NCKAP5: variants seen among roughly 807,000 people sequenced by gnomAD.
NCKAP5 encodes the protein NCK associated protein 5.
NCKAP5 carries 92 observed loss-of-function variants against 167.0 expected under a neutral mutation model. That is an observed-to-expected ratio of 0.55 (90% CI 0.47 to 0.66). The LOEUF (loss-of-function observed/expected upper bound fraction) is 0.66, where lower values mean the gene tolerates loss of function less well. NCKAP5 is among the 30% of genes least tolerant of loss of function. The pLI is 0.00. For missense variants in NCKAP5, 2,378 were observed against 2,315.0 expected (o/e 1.03, Z -0.56); for synonymous variants, 891 against 877.4 (o/e 1.02, Z -0.27).
chr2:133,590,514 A>ACTC, the NCKAP5 span, among the ~76,000 whole-genome samples: 1 of 114,416 alleles, frequency 8.7e-6, no homozygotes, highest in Non-Finnish European at 1.7e-5. Context: ...ACAGAGCGAG[A>ACTC]CTCTGTCTCA....
chr2:133,615,811 A>T, the NCKAP5 span, among the ~76,000 whole-genome samples: 5 of 152,204 alleles, frequency 3.3e-5, no homozygotes, highest in African/African-American at 9.6e-5. Flanking sequence ...CTAATAGACA[A>T]CTACAGAACT....
At chr2:132,879,684 C>T (rs775937820) in intron 8 of NCKAP5, among the ~76,000 whole-genome samples, 1 of 152,188 alleles carries the variant, frequency 6.6e-6, no homozygotes, top group African/African-American at 2.4e-5. Context: ...TGAACCCTTC[C>T]CAGGGCTATG....
intron 8 of NCKAP5, among the ~76,000 whole-genome samples, chr2:132,962,552 A>T (rs1304187705): frequency 6.6e-6 from 1 of 151,932 alleles, no homozygotes; most frequent in Non-Finnish European, 1.5e-5. Context: ...AATTGCAGAA[A>T]GCAAGCATAG....
chr2:133,417,703 A>G (rs1689208669), intron 3 of NCKAP5, among the ~76,000 whole-genome samples: 1 of 135,054 alleles, frequency 7.4e-6, no homozygotes, highest in South Asian at 2.4e-4. Flanking sequence ...CAAAGGATGG[A>G]ACAACAGGAC....
At chr2:133,451,369 T>C (rs1426867583) in intron 3 of NCKAP5, among the ~76,000 whole-genome samples, 1 of 152,188 alleles carries the variant, frequency 6.6e-6, no homozygotes, top group Non-Finnish European at 1.5e-5. Context: ...TCAGGACCAG[T>C]TCATGTTCAC....
At chr2:132,772,881 G>A (rs1410800829) in intron 16 of NCKAP5, among the ~76,000 whole-genome samples, 3 of 152,172 alleles carry the variant, frequency 2.0e-5, no homozygotes, top group Admixed American at 6.5e-5. Flanking sequence ...CCAACATGGC[G>A]CCGAATAGTG....
At chr2:132,797,184 G>A (rs373758231) in intron 11 of NCKAP5, among the ~76,000 whole-genome samples, 1 of 152,186 alleles carries the variant, frequency 6.6e-6, no homozygotes, top group East Asian at 1.9e-4. Context: ...CATTGATCTT[G>A]TGAAATCTTC....
At chr2:133,178,196 G>A (rs949474420) in intron 5 of NCKAP5, among the ~76,000 whole-genome samples, 10 of 152,212 alleles carry the variant, frequency 6.6e-5, no homozygotes, top group Admixed American at 5.2e-4. Context: ...AGGCAGAGCC[G>A]AAGGTTTAAA....
intron 4 of NCKAP5, among the ~76,000 whole-genome samples, chr2:133,277,526 G>A (rs962239648): frequency 6.6e-6 from 1 of 152,090 alleles, no homozygotes; most frequent in South Asian, 2.1e-4. Context: ...TGAAGTAATA[G>A]AGACATTGGC....
At chr2:133,344,419 A>AT (rs1349208247) in intron 3 of NCKAP5, among the ~76,000 whole-genome samples, 1 of 151,858 alleles carries the variant, frequency 6.6e-6, no homozygotes, top group African/African-American at 2.4e-5. Flanking sequence ...AAAAAAAAAA[A>AT]AAAAGGGTAA....
chr2:133,412,045 C>G (rs1393083506), intron 3 of NCKAP5, among the ~76,000 whole-genome samples: 1 of 152,098 alleles, frequency 6.6e-6, no homozygotes, highest in Non-Finnish European at 1.5e-5. Flanking sequence ...CTGCAGCCCC[C>G]TGATGGTCAC....
intron 4 of NCKAP5, among the ~76,000 whole-genome samples, chr2:133,258,655 G>A (rs1444988665): frequency 1.3e-5 from 2 of 151,920 alleles, no homozygotes; most frequent in African/African-American, 2.4e-5. Flanking sequence ...TGAGGTGGGA[G>A]GAATACTTGA....
At chr2:133,306,539 T>C (rs991921317) in intron 3 of NCKAP5, among the ~76,000 whole-genome samples, 1 of 152,194 alleles carries the variant, frequency 6.6e-6, no homozygotes, top group African/African-American at 2.4e-5. Context: ...TTTTTAATGT[T>C]GAGATGAAAA....
At chr2:132,957,028 C>T (rs1430011255) in intron 8 of NCKAP5, among the ~76,000 whole-genome samples, 1 of 152,134 alleles carries the variant, frequency 6.6e-6, no homozygotes, top group African/African-American at 2.4e-5. Flanking sequence ...CTTAATTAGT[C>T]CCACAAGGCC....
chr2:133,603,386 C>G, the NCKAP5 span, among the ~76,000 whole-genome samples: 2 of 151,460 alleles, frequency 1.3e-5, no homozygotes, highest in Non-Finnish European at 2.9e-5. Context: ...CCACCACACC[C>G]AGCTAATCTT....
chr2:132,938,980 G>A (rs1453376221), intron 8 of NCKAP5, among the ~76,000 whole-genome samples: 2 of 152,104 alleles, frequency 1.3e-5, no homozygotes, highest in Admixed American at 1.3e-4. Context: ...ATTGAACAAG[G>A]ACAGGAGGAG....
intron 19 of NCKAP5, among the ~76,000 whole-genome samples, chr2:132,724,671 G>A (rs1023204026): frequency 6.6e-6 from 1 of 152,000 alleles, no homozygotes; most frequent in Non-Finnish European, 1.5e-5. Flanking sequence ...AACATCAGGG[G>A]TATTCACCAT....
chr2:133,004,860 G>A (rs1013032233), intron 6 of NCKAP5, among the ~76,000 whole-genome samples: 4 of 152,182 alleles, frequency 2.6e-5, no homozygotes, highest in Non-Finnish European at 5.9e-5. Context: ...AGCCATTTTA[G>A]AGACCTCCCC....
intron 19 of NCKAP5, among the ~76,000 whole-genome samples, chr2:132,710,490 C>A (rs533381396): frequency 1.3e-5 from 2 of 152,286 alleles, no homozygotes; most frequent in African/African-American, 4.8e-5. Context: ...GCACTGTGTT[C>A]TGAAAAGGTA....
Sources: gnomAD v4.1 joint callset for allele counts (sites outside exome capture counted in the v4.1 genomes callset) on GRCh38, gnomAD v4.1.1 for gene constraint, MANE v1.5 for transcripts, NCBI Gene and HGNC (gene_info 2026-07-23, HGNC 2026-07-21) for gene names.